CDH7: variants seen among roughly 807,000 people sequenced by gnomAD.
CDH7 encodes the protein cadherin 7.
In CDH7, 25 loss-of-function variants were observed where a neutral mutation model predicts 71.8. The observed-to-expected ratio is 0.35, with a 90% CI of 0.25 to 0.49. The LOEUF (loss-of-function observed/expected upper bound fraction) is 0.49. CDH7 is among the 20% of genes least tolerant of loss of function. The pLI is 0.99. For missense variants in CDH7, 862 were observed against 974.6 expected (o/e 0.88, Z 1.54); for synonymous variants, 381 against 363.8 (o/e 1.05, Z -0.54).
intron 6 of CDH7, among the ~76,000 whole-genome samples, chr18:65,839,334 TG>T (rs1208738586): frequency 6.6e-6 from 1 of 152,192 alleles, no homozygotes; most frequent in African/African-American, 2.4e-5. Context: ...GCCCTCTTTC[TG>T]GTTCATACAC....
At chr18:65,750,626 T>C (rs1915835713), upstream of CDH7, 1 of 152,220 alleles carries the variant, frequency 6.6e-6, no homozygotes, top group Non-Finnish European at 1.5e-5. Context: ...GTCTTCGCGT[T>C]CTTTTCCAGT....
intron 2 of CDH7, among the ~76,000 whole-genome samples, chr18:65,787,317 G>C (rs961344121): frequency 6.6e-6 from 1 of 152,164 alleles, no homozygotes. Context: ...GTTATACACT[G>C]TTCCAAATTA....
At chr18:65,835,199 A>G (rs532532708) in intron 6 of CDH7, among the ~76,000 whole-genome samples, 16 of 152,272 alleles carry the variant, frequency 1.1e-4, no homozygotes, top group African/African-American at 3.1e-4. Flanking sequence ...TGTTTGACAG[A>G]ATTGACATGT....
intron 7 of CDH7, among the ~76,000 whole-genome samples, chr18:65,849,458 G>T (rs1913070017): frequency 1.4e-5 from 2 of 142,920 alleles, no homozygotes; most frequent in Admixed American, 1.5e-4. Context: ...CTTTTGCCTG[G>T]CTGGAGTGCA....
intron 4 of CDH7, among the ~76,000 whole-genome samples, chr18:65,819,173 C>T (rs1911828167): frequency 6.6e-6 from 1 of 152,118 alleles, no homozygotes; most frequent in African/African-American, 2.4e-5. Flanking sequence ...CCACCTGTCT[C>T]CGTTGCAATG....
At chr18:65,785,935 A>G (rs9319699) in intron 2 of CDH7, among the ~76,000 whole-genome samples, 52,091 of 152,018 alleles carry the variant, frequency 0.34, 9,277 homozygotes, top group Middle Eastern at 0.46. Flanking sequence ...GATACTGGAT[A>G]TTCAGTTTAA....
chr18:65,760,843 C>T (rs1297820081), intron 1 of CDH7, among the ~76,000 whole-genome samples: 2 of 152,160 alleles, frequency 1.3e-5, no homozygotes, highest in Non-Finnish European at 2.9e-5. Context: ...TGCACCATGT[C>T]CAGATCAAGT....
At chr18:65,794,787 G>A (rs1053869170) in intron 2 of CDH7, among the ~76,000 whole-genome samples, 1 of 152,016 alleles carries the variant, frequency 6.6e-6, no homozygotes, top group Non-Finnish European at 1.5e-5. Context: ...CGTTGTTGGG[G>A]AGACCTGCAG....
intron 7 of CDH7, among the ~76,000 whole-genome samples, chr18:65,851,166 TA>T: frequency 6.6e-6 from 1 of 152,280 alleles, no homozygotes; most frequent in South Asian, 2.1e-4. Flanking sequence ...CTATTATTCC[TA>T]TATTAGAAGT....
At chr18:65,858,069 A>G in intron 8 of CDH7, 117 bp downstream of exon 8, 2 of 825,354 alleles carry the variant, frequency 2.4e-6, no homozygotes, top group East Asian at 2.8e-5. Flanking sequence ...TTGTACAAAA[A>G]CTTGAGAATA....
Position 65,751,101 on chromosome 18 carries a change from C to A in CDH7, c.-246C>A, listed in dbSNP as rs1915860307. 6.6e-6 allele frequency: 1 copy of A among 152,336 alleles called. No homozygotes were observed. Among genetic ancestry groups the A allele is most frequent in the South Asian group, 2.1e-4 (1 of 4,842 alleles). The allele number at this position is 152,336 out of a possible 1,614,324, so 9.4% of individuals were successfully genotyped here. A position where few individuals can be genotyped will look rare whatever the true frequency, so the allele number is the denominator to read the frequency against. On this transcript the variant is annotated 5_prime_UTR_variant, in exon 1 of 12. Coordinates refer to ENST00000397968, the MANE Select transcript of CDH7 (RefSeq NM_004361.5). ...GAGCGCACGTTCTTTCGGATGCACA[C>A]GCCCGGGTCCCTGGCGTCTGACGCC...
chr18:65,818,178 C>T (rs1436487635), intron 4 of CDH7, among the ~76,000 whole-genome samples: 1 of 152,162 alleles, frequency 6.6e-6, no homozygotes, highest in African/African-American at 2.4e-5. Context: ...ATACACACAC[C>T]TAAGAATGTC....
intron 2 of CDH7, among the ~76,000 whole-genome samples, chr18:65,773,353 T>G (rs747126000): frequency 2.0e-5 from 3 of 152,152 alleles, no homozygotes; most frequent in Non-Finnish European, 4.4e-5. Flanking sequence ...AGAAAGAATA[T>G]ATTGTTCTTA....
Position 65,781,912 on chromosome 18 carries a change from C to G in CDH7, c.210+18860C>G, listed in dbSNP as rs546860532. ...TCTCTCTTTCTCTCTATCTTTCTCT[C>G]TTTCTCTCTTTCTCTCTCTCTCTCT... is the stretch of plus-strand genomic sequence containing the variant. On this transcript the variant is annotated intron_variant, in intron 2 of 11. Coordinates refer to ENST00000397968, the MANE Select transcript of CDH7 (RefSeq NM_004361.5). Among the ~76,000 whole-genome samples the G allele has an allele frequency of 2.2e-4, 24 of 108,940 alleles. 2 individuals carry two copies. The highest frequency in any genetic ancestry group is 3.4e-4 in the Non-Finnish European group (19 of 55,726). The allele number at this position is 108,940 out of a possible 152,430, so 71.5% of individuals were successfully genotyped here.
chr18:65,858,048 C>A, intron 8 of CDH7, 96 bp downstream of exon 8: 2 of 1,191,348 alleles, frequency 1.7e-6, no homozygotes, highest in South Asian at 1.5e-5. Flanking sequence ...TAAAGTAGTT[C>A]CTTCTTTGAA....
At position 65,880,817 on chromosome 18, in the gene CDH7, T is replaced by A; in HGVS notation, c.2281T>A (p.Tyr761Asn). ...CTCAAACTCTGATCAGAACTATGAC[T>A]ACCTAAGTGACTGGGGACCTCGCTT... The part of the protein sequence containing the change: ...ISSNSDQNYD[Y>N]LSDWGPRFKR... Residue 761 changes from tyrosine to asparagine, a missense_variant, in exon 12 of 12, where the codon TAC (tyrosine) becomes AAC (asparagine). Physicochemically the swap from Tyr to Asn is moderately radical, Grantham distance 143. Coordinates refer to ENST00000397968, the MANE Select transcript of CDH7 (RefSeq NM_004361.5). 1 of 1,614,070 alleles carries A rather than the reference T, an allele frequency of 6.2e-7. No homozygotes were observed. The highest frequency in any genetic ancestry group is 2.2e-5 in the East Asian group (1 of 44,872).
At chr18:65,791,504 C>T (rs745431886) in intron 2 of CDH7, among the ~76,000 whole-genome samples, 29 of 152,078 alleles carry the variant, frequency 1.9e-4, no homozygotes, top group Non-Finnish European at 3.7e-4. Context: ...AAAGTTAAGC[C>T]GAGAGAAAGT....
chr18:65,814,642 T>A lies in CDH7; in HGVS notation c.625+38T>A, dbSNP rs374155700. 1.9e-6 allele frequency: 3 copies of A among 1,573,476 alleles called. No homozygotes were observed. In the African/African-American group the frequency reaches 4.1e-5, roughly 22 times the overall value. ...ATGTGACATTCTTGTAAAGTCATCA[T>A]TTGTTTGCTGCTTAGAATTAATATT... On this transcript the variant is annotated intron_variant, in intron 4 of 11. Coordinates refer to ENST00000397968, the MANE Select transcript of CDH7 (RefSeq NM_004361.5).
intron 11 of CDH7, among the ~76,000 whole-genome samples, chr18:65,866,902 A>C (rs1412631476): frequency 6.6e-6 from 1 of 152,180 alleles, no homozygotes; most frequent in Admixed American, 6.5e-5. Flanking sequence ...CTTTATTTAC[A>C]GTGAGTACAG....
Sources: allele counts gnomAD v4.1 joint callset (sites outside exome capture counted in the v4.1 genomes callset), GRCh38; gene constraint gnomAD v4.1.1; transcripts MANE v1.5; gene names NCBI Gene and HGNC (gene_info 2026-07-23, HGNC 2026-07-21).